KCNJ6: variants seen among roughly 807,000 people sequenced by gnomAD.
The protein encoded by KCNJ6 is G protein-activated inward rectifier potassium channel 2.
In KCNJ6, 9 loss-of-function variants were observed where a neutral mutation model predicts 34.2. The observed-to-expected ratio is 0.26, with a 90% CI of 0.16 to 0.46. The LOEUF is 0.46. KCNJ6 is among the 20% of genes least tolerant of loss of function. The probability of loss-of-function intolerance (pLI) is 1.00; values close to 1 mark genes in which losing one functional copy is unlikely to be tolerated. For missense variants in KCNJ6, 236 were observed against 531.3 expected (o/e 0.44, Z 5.46); for synonymous variants, 196 against 207.1 (o/e 0.95, Z 0.46).
At chr21:37,822,092 C>T (rs2055375530) in intron 2 of KCNJ6, among the ~76,000 whole-genome samples, 1 of 152,224 alleles carries the variant, frequency 6.6e-6, no homozygotes, top group Non-Finnish European at 1.5e-5. Context: ...TTGAACTGAA[C>T]TGCAACCTGA....
intron 2 of KCNJ6, among the ~76,000 whole-genome samples, chr21:37,808,768 G>A (rs2055306223): frequency 6.6e-6 from 1 of 152,220 alleles, no homozygotes; most frequent in African/African-American, 2.4e-5. Flanking sequence ...CATTGGCTCT[G>A]CAAGACTTCA....
intron 2 of KCNJ6, among the ~76,000 whole-genome samples, chr21:37,821,444 T>G (rs764751810): frequency 6.6e-6 from 1 of 152,206 alleles, no homozygotes; most frequent in Non-Finnish European, 1.5e-5. Flanking sequence ...AGGTTTGTTA[T>G]ATAGGTAAGC....
At position 37,914,008 on chromosome 21, in the gene KCNJ6, GGTGTGTGT is replaced by G. The variant is rs371432862; in HGVS notation, c.-28+1868_-28+1875del. Among the ~76,000 whole-genome samples, 531 of 135,574 alleles carry G rather than the reference GGTGTGTGT, an allele frequency of 3.9e-3. 6 individuals carry two copies. Among genetic ancestry groups the G allele is most frequent in the African/African-American group, 0.012 (436 of 36,330 alleles). 88.9% of individuals were successfully genotyped at this position (135,574 alleles called of 152,430 possible). Reference sequence around the variant, plus strand: ...GCAACCCTCGTCAGAGGCGGATCGGGGTGTGTGTGTGTGTGTGTGTGTGTGTGTGTGTG... The same window carrying G: ...GCAACCCTCGTCAGAGGCGGATCGGGGTGTGTGTGTGTGTGTGTGTGTGTG... On this transcript the variant is annotated intron_variant, in intron 1 of 3. Coordinates refer to ENST00000609713, the MANE Select transcript of KCNJ6 (RefSeq NM_002240.5).
In KCNJ6 at chr21:37,623,616, TCCTTCCTCCCTC is replaced by T. The variant is rs890436286; in HGVS notation, c.*1531_*1542del. ...GTACAAATACCCTTCCTTCCTTCCT[TCCTTCCTCCCTC>T]CCTTCCTCCCTTCTTTCCTTTTTGC... On this transcript the variant is annotated 3_prime_UTR_variant, in exon 4 of 4. Coordinates refer to ENST00000609713, the MANE Select transcript of KCNJ6 (RefSeq NM_002240.5). 7.9e-5 allele frequency: 12 copies of T among 152,362 alleles called. No homozygotes were observed. The highest frequency in any genetic ancestry group is 8.8e-5 in the Non-Finnish European group (6 of 68,054). 9.4% of individuals were successfully genotyped at this position (152,362 alleles called of 1,614,324 possible).
chr21:37,655,216 TGTGTGTGTGA>T (rs2054454574), intron 3 of KCNJ6, among the ~76,000 whole-genome samples: 2 of 20,314 alleles, frequency 9.8e-5, no homozygotes, highest in Non-Finnish European at 2.9e-4. Flanking sequence ...TGTGTGTGTG[TGTGTGTGTGA>T]GAGAGAGAGA....
intron 1 of KCNJ6, among the ~76,000 whole-genome samples, chr21:37,877,358 C>T (rs777061621): frequency 1.3e-5 from 2 of 152,062 alleles, no homozygotes; most frequent in East Asian, 1.9e-4. Flanking sequence ...GAAAACTGAC[C>T]GCATGAGAAC....
intron 3 of KCNJ6, among the ~76,000 whole-genome samples, chr21:37,666,380 C>A (rs1045573992): frequency 2.6e-5 from 4 of 152,160 alleles, no homozygotes; most frequent in Admixed American, 6.5e-5. Context: ...GGGATGAGCA[C>A]CATGAGCTGC....
intron 2 of KCNJ6, among the ~76,000 whole-genome samples, chr21:37,836,988 G>A (rs9981525): frequency 0.33 from 49,932 of 151,826 alleles, 9,421 homozygotes; most frequent in South Asian, 0.45. Context: ...AGACCCCATG[G>A]ACCCTCTCTT....
At chr21:37,771,767 A>G (rs1456683634) in intron 2 of KCNJ6, among the ~76,000 whole-genome samples, 1 of 152,188 alleles carries the variant, frequency 6.6e-6, no homozygotes, top group Non-Finnish European at 1.5e-5. Flanking sequence ...TTTTATATGT[A>G]TTACTTGGAA....
intron 2 of KCNJ6, among the ~76,000 whole-genome samples, chr21:37,750,956 C>T (rs1196367438): frequency 1.3e-5 from 2 of 152,204 alleles, no homozygotes; most frequent in Non-Finnish European, 1.5e-5. Flanking sequence ...TATCTGGTTA[C>T]ACACTCAAAA....
Position 37,625,926 on chromosome 21 carries a change from A to G in KCNJ6, c.947-442T>C, listed in dbSNP as rs185994546. 3.9e-5 allele frequency among the ~76,000 whole-genome samples: 6 copies of G among 152,278 alleles called. No individual in the cohort carries two copies. The East Asian group carries it at 7.8e-4, about 20-fold the overall frequency. Reference sequence around the variant, plus strand: ...CCACAGACTTAGAATGAAATTTCATATATGGAACTACACTTAGGCTGCTTT... The same window carrying G: ...CCACAGACTTAGAATGAAATTTCATGTATGGAACTACACTTAGGCTGCTTT... On this transcript the variant is annotated intron_variant, in intron 3 of 3. Coordinates refer to ENST00000609713, the MANE Select transcript of KCNJ6 (RefSeq NM_002240.5).
At chr21:37,650,889 G>A (rs1315948199) in intron 3 of KCNJ6, among the ~76,000 whole-genome samples, 3 of 152,080 alleles carry the variant, frequency 2.0e-5, no homozygotes, top group Admixed American at 1.3e-4. Flanking sequence ...CCATAAGCTC[G>A]ATAAATACTT....
At chr21:37,781,416 C>G in intron 2 of KCNJ6, among the ~76,000 whole-genome samples, 1 of 152,104 alleles carries the variant, frequency 6.6e-6, no homozygotes, top group East Asian at 1.9e-4. Context: ...GCATTCTTGA[C>G]ACAGGAATCC....
rs1215744414 is a variant in KCNJ6 at position 37,625,069 on chromosome 21, C to A, written c.*90G>T. On this transcript the variant is annotated 3_prime_UTR_variant, in exon 4 of 4. Coordinates refer to ENST00000609713, the MANE Select transcript of KCNJ6 (RefSeq NM_002240.5). ...AAATTAAATATAAACAAATAAAGAA[C>A]AAAGCAAGAGAGACAGAAAAAGAAA... 1 of 996,984 alleles carries A rather than the reference C, an allele frequency of 1.0e-6. No individual in the cohort carries two copies. Among genetic ancestry groups the A allele is most frequent in the African/African-American group, 1.6e-5 (1 of 61,704 alleles). 61.8% of individuals were successfully genotyped at this position (996,984 alleles called of 1,614,324 possible). A position where few individuals can be genotyped will look rare whatever the true frequency, so the allele number is the denominator to read the frequency against.
intron 2 of KCNJ6, among the ~76,000 whole-genome samples, chr21:37,778,656 GC>G (rs2055153969): frequency 6.6e-6 from 1 of 151,782 alleles, no homozygotes; most frequent in Non-Finnish European, 1.5e-5. Context: ...CTGGACTCTG[GC>G]CCCTTCCCAC....
chr21:37,682,850 C>T (rs960643507), intron 3 of KCNJ6, among the ~76,000 whole-genome samples: 29 of 152,246 alleles, frequency 1.9e-4, no homozygotes, highest in African/African-American at 7.0e-4. Context: ...ATCCCTGGGC[C>T]ATCTGTCCCT....
intron 3 of KCNJ6, among the ~76,000 whole-genome samples, chr21:37,663,318 A>G (rs542614994): frequency 6.6e-6 from 1 of 152,286 alleles, no homozygotes; most frequent in South Asian, 2.1e-4. Context: ...TATAATAAAA[A>G]TTCTGGATGT....
At chr21:37,855,546 G>C (rs2055560485) in intron 1 of KCNJ6, among the ~76,000 whole-genome samples, 1 of 152,118 alleles carries the variant, frequency 6.6e-6, no homozygotes, top group African/African-American at 2.4e-5. Flanking sequence ...ACAGTTTTGT[G>C]ACAAAAAGAA....
chr21:37,725,320 G>A (rs2054848741), intron 2 of KCNJ6, among the ~76,000 whole-genome samples: 1 of 152,164 alleles, frequency 6.6e-6, no homozygotes. Flanking sequence ...TTGAACCTGG[G>A]AGGCAGAGGT....
Sources: gnomAD v4.1 joint callset for allele counts (sites outside exome capture counted in the v4.1 genomes callset) on GRCh38, gnomAD v4.1.1 for gene constraint, MANE v1.5 for transcripts, NCBI Gene and HGNC (gene_info 2026-07-23, HGNC 2026-07-21) for gene names.